The following GK5 variants were observed in gnomAD, a reference collection of about 807,000 sequenced individuals.
The protein encoded by GK5 is ATP:glycerol 3-phosphotransferase 5.
In GK5, 39 loss-of-function variants were observed where a neutral mutation model predicts 77.3. The observed-to-expected ratio is 0.50, with a 90% CI of 0.39 to 0.66. The LOEUF (loss-of-function observed/expected upper bound fraction) is 0.66. GK5 is among the 30% of genes least tolerant of loss of function. GK5 has a pLI of 0.00. For synonymous variants in GK5, 211 were observed against 208.0 expected (o/e 1.01, Z -0.13); for missense variants, 487 against 633.8 (o/e 0.77, Z 2.49).
At chr3:142,192,376 G>A (rs1407084276) in intron 5 of GK5, among the ~76,000 whole-genome samples, 1 of 152,194 alleles carries the variant, frequency 6.6e-6, no homozygotes, top group Non-Finnish European at 1.5e-5. Flanking sequence ...ATGAGTTGAA[G>A]ATTTATGTCC....
intron 5 of GK5, among the ~76,000 whole-genome samples, chr3:142,195,009 G>A (rs2063912839): frequency 6.6e-6 from 1 of 151,788 alleles, no homozygotes; most frequent in African/African-American, 2.4e-5. Flanking sequence ...TCGGCTGTGG[G>A]TTTTTCAAAG....
rs757672724 is a variant in GK5 at position 142,185,725 on chromosome 3, G to C, written c.816+204C>G. Reference sequence around the variant, plus strand: ...AAGGTTATAAAGTACTTCCATGATAGAATACTGGCTCAATGGTCCCCTTCC... The same window carrying C: ...AAGGTTATAAAGTACTTCCATGATACAATACTGGCTCAATGGTCCCCTTCC... On this transcript the variant is annotated intron_variant, in intron 9 of 15. Coordinates refer to ENST00000392993, the MANE Select transcript of GK5 (RefSeq NM_001039547.3). 1.2e-5 allele frequency: 19 copies of C among 1,525,524 alleles called. No homozygotes were observed. In the South Asian group the frequency reaches 2.3e-4, roughly 18 times the overall value. 94.5% of individuals were successfully genotyped at this position (1,525,524 alleles called of 1,614,324 possible). A position where few individuals can be genotyped will look rare whatever the true frequency, so the allele number is the denominator to read the frequency against.
intron 3 of GK5, among the ~76,000 whole-genome samples, chr3:142,207,033 G>A (rs1394760124): frequency 6.6e-6 from 1 of 152,204 alleles, no homozygotes; most frequent in Non-Finnish European, 1.5e-5. Context: ...GTAGGACTGT[G>A]TAAAGACAAT....
chr3:142,215,659 C>G lies in GK5; in HGVS notation c.181G>C (p.Glu61Gln). The change falls in exon 2 of 16, where the codon GAA (glutamate) becomes CAA (glutamine). Residue 61 changes from glutamate to glutamine, a missense_variant. This residue lies in a region of GK5 where 97 missense variants were observed against 86.9 expected (regional missense o/e 1.12). Coordinates refer to ENST00000392993, the MANE Select transcript of GK5 (RefSeq NM_001039547.3). ...ATCCAAAGAACATCAGGATCAATTT[C>G]TACCCAGCCAATTTGAGGATAAAGA... is the stretch of plus-strand genomic sequence containing the variant. The part of the protein sequence containing the change: ...ENLYPQIGWV[E>Q]IDPDVLWIQF... 6.3e-7 allele frequency: 1 copy of G among 1,596,960 alleles called. No individual in the cohort carries two copies. Among genetic ancestry groups the G allele is most frequent in the Non-Finnish European group, 8.6e-7 (1 of 1,166,526 alleles).
intron 3 of GK5, among the ~76,000 whole-genome samples, chr3:142,206,136 T>A (rs772000969): frequency 1.4e-4 from 21 of 152,244 alleles, no homozygotes; most frequent in Non-Finnish European, 2.9e-4. Flanking sequence ...CGTATTTATA[T>A]ACTACATACC....
At chr3:142,197,313 G>A (rs2107786689) in intron 5 of GK5, among the ~76,000 whole-genome samples, 1 of 152,224 alleles carries the variant, frequency 6.6e-6, no homozygotes, top group South Asian at 2.1e-4. Flanking sequence ...GTTATTAGGT[G>A]TTTATAACTG....
intron 9 of GK5, among the ~76,000 whole-genome samples, chr3:142,184,240 G>A (rs192053816): frequency 0.028 from 2,977 of 105,380 alleles, 42 homozygotes; most frequent in Non-Finnish European, 0.039. Context: ...TAGCCTGGGC[G>A]ACAGAGTGAG....
In GK5 at chr3:142,165,502, T is replaced by C. The variant is rs1164756176; in HGVS notation, c.*120A>G. On this transcript the variant is annotated 3_prime_UTR_variant, in exon 16 of 16. Transcript: ENST00000392993. ...TTTTTAAAAGCAATGCTTCTTAAGT[T>C]ATGAAGCTTATTTAAAATTTTCTCC... 1.5e-6 allele frequency: 1 copy of C among 678,372 alleles called. No individual in the cohort carries two copies. The highest frequency in any genetic ancestry group is 2.3e-6 in the Non-Finnish European group (1 of 433,060). The allele number at this position is 678,372 out of a possible 1,614,324, so 42.0% of individuals were successfully genotyped here.
intron 11 of GK5, among the ~76,000 whole-genome samples, chr3:142,179,911 C>T (rs2063670049): frequency 6.6e-6 from 1 of 152,154 alleles, no homozygotes; most frequent in Non-Finnish European, 1.5e-5. Context: ...TCAGAGGTAG[C>T]CTGAAACCCA....
chr3:142,209,203 C>T (rs369813887), intron 3 of GK5, among the ~76,000 whole-genome samples: 1 of 152,072 alleles, frequency 6.6e-6, no homozygotes, highest in East Asian at 1.9e-4. Context: ...ACAGATGGCC[C>T]CTGTGTGGTG....
intron 2 of GK5, 46 bp from the exon 3 acceptor site, chr3:142,213,647 T>A: frequency 8.1e-7 from 1 of 1,238,434 alleles, no homozygotes; most frequent in Non-Finnish European, 1.2e-6. Context: ...GCCAGTGATA[T>A]TTTTCTTTAT....
chr3:142,176,730 C>T (rs1397637859), intron 12 of GK5, among the ~76,000 whole-genome samples: 1 of 118,242 alleles, frequency 8.5e-6, no homozygotes, highest in Non-Finnish European at 1.6e-5. Flanking sequence ...AGTGGCATCT[C>T]GGCTCACTGC....
In GK5 at chr3:142,163,085, T is replaced by C. The variant is rs2063437833; in HGVS notation, c.*2537A>G. ...AACCACAAAAGCAAATGTGGTCATG[T>C]TTCTGATTTTAGTTAAGTCCAAAAA... is the stretch of plus-strand genomic sequence containing the variant. On this transcript the variant is annotated 3_prime_UTR_variant, in exon 16 of 16. Coordinates refer to ENST00000392993, the MANE Select transcript of GK5 (RefSeq NM_001039547.3). 1 of 152,102 alleles carries C rather than the reference T, an allele frequency of 6.6e-6. No homozygotes were observed. Among genetic ancestry groups the C allele is most frequent in the East Asian group, 1.9e-4 (1 of 5,178 alleles). 9.4% of individuals were successfully genotyped at this position (152,102 alleles called of 1,614,324 possible).
intron 12 of GK5, among the ~76,000 whole-genome samples, chr3:142,173,995 A>G (rs1364370510): frequency 1.3e-5 from 2 of 152,186 alleles, no homozygotes; most frequent in Non-Finnish European, 2.9e-5. Context: ...TCTGGACCCC[A>G]GAGACTAGAT....
At chr3:142,174,311 GATTTT>G (rs1196053851) in intron 12 of GK5, among the ~76,000 whole-genome samples, 3 of 151,962 alleles carry the variant, frequency 2.0e-5, no homozygotes, top group Non-Finnish European at 2.9e-5. Context: ...CTCCTACTGA[GATTTT>G]ATTTTAATTT....
At chr3:142,212,213 C>T (rs1485533813) in intron 3 of GK5, among the ~76,000 whole-genome samples, 3 of 151,098 alleles carry the variant, frequency 2.0e-5, no homozygotes, top group Admixed American at 1.3e-4. Flanking sequence ...TGTGTGGGTA[C>T]GTGGGCGGGG....
intron 11 of GK5, among the ~76,000 whole-genome samples, chr3:142,180,158 T>C (rs1170481327): frequency 6.6e-6 from 1 of 152,186 alleles, no homozygotes; most frequent in African/African-American, 2.4e-5. Flanking sequence ...TCCCTGTTGC[T>C]TGCTTCTTCC....
At chr3:142,170,224 G>T in intron 15 of GK5, 101 bp downstream of exon 15, 1 of 1,233,492 alleles carries the variant, frequency 8.1e-7, no homozygotes, top group Non-Finnish European at 1.2e-6. Context: ...GGACGCCAAG[G>T]CTTTCCAGAC....
chr3:142,186,130 C>A, intron 8 of GK5, 64 bp downstream of exon 8: 2 of 1,246,386 alleles, frequency 1.6e-6, no homozygotes, highest in African/African-American at 1.5e-5. Flanking sequence ...AATGCTTTTC[C>A]CCACGAAACA....
Sources: allele counts gnomAD v4.1 joint callset (sites outside exome capture counted in the v4.1 genomes callset), GRCh38; gene constraint gnomAD v4.1.1; regional missense constraint gnomAD v4.1.1; transcripts MANE v1.5; gene names NCBI Gene and HGNC (gene_info 2026-07-23, HGNC 2026-07-21).